STXBP5L: variants seen among roughly 807,000 people sequenced by gnomAD.
The protein encoded by STXBP5L is syntaxin binding protein 5L.
STXBP5L carries 65 observed loss-of-function variants against 144.5 expected under a neutral mutation model. The ratio of observed to expected loss-of-function variants is 0.45; its 90% confidence interval spans 0.37 to 0.55. The LOEUF is 0.55. STXBP5L is among the 20% of genes least tolerant of loss of function. STXBP5L has a pLI of 0.00. For synonymous variants in STXBP5L, 505 were observed against 469.6 expected, an observed-to-expected ratio of 1.08 and a Z score of -0.97; for missense variants, 1,298 against 1,405.5, an observed-to-expected ratio of 0.92 and a Z score of 1.22.
Position 120,909,771 on chromosome 3 carries a change from A to C in STXBP5L, c.189+4A>C. 2 of 1,610,366 alleles carry C rather than the reference A, an allele frequency of 1.2e-6. No homozygotes were observed. Among genetic ancestry groups the C allele is most frequent in the South Asian group, 2.2e-5 (2 of 90,178 alleles). ...GGAGTATTTCCAGATTTGCAAGGTA[A>C]GTTTTGAATTGGCTTAAAGCCTATT... On this transcript the variant is annotated splice_donor_region_variant and intron_variant, in intron 2 of 26. Coordinates refer to ENST00000471454, the MANE Select transcript of STXBP5L (RefSeq NM_001308330.2).
rs181839522 is a variant in STXBP5L, at chr3:120,908,629, G to A, written c.-9+295G>A. On this transcript the variant is annotated intron_variant, in intron 1 of 26. Coordinates refer to ENST00000471454, the MANE Select transcript of STXBP5L (RefSeq NM_001308330.2). ...CCGCGCCTCAGCGCTGGGCCTGGGG[G>A]AGGGACAGCGGGAGCGGCGGCTCTG... Among the ~76,000 whole-genome samples the A allele has an allele frequency of 7.8e-3, 1,177 of 151,670 alleles. 7 individuals are homozygous for A. Among genetic ancestry groups the A allele is most frequent in the Non-Finnish European group, 0.013 (883 of 67,792 alleles).
chr3:121,313,227 C>CA (rs2043615020), intron 19 of STXBP5L, among the ~76,000 whole-genome samples: 1 of 132,318 alleles, frequency 7.6e-6, no homozygotes, highest in Non-Finnish European at 1.6e-5. Flanking sequence ...TGACCCCCCC[C>CA]ACCTCCCTCC....
intron 3 of STXBP5L, among the ~76,000 whole-genome samples, chr3:120,987,775 T>C (rs1214632649): frequency 6.6e-6 from 1 of 151,838 alleles, no homozygotes; most frequent in African/African-American, 2.4e-5. Flanking sequence ...ATTTGTGTTG[T>C]CTTAATTTGA....
At chr3:121,103,563 T>G (rs1442021740) in intron 5 of STXBP5L, among the ~76,000 whole-genome samples, 1 of 152,106 alleles carries the variant, frequency 6.6e-6, no homozygotes, top group East Asian at 1.9e-4. Flanking sequence ...AATTGACTGT[T>G]GGGTACTGTG....
At chr3:121,376,083 C>G (rs1002186616) in intron 20 of STXBP5L, among the ~76,000 whole-genome samples, 1 of 152,208 alleles carries the variant, frequency 6.6e-6, no homozygotes, top group Non-Finnish European at 1.5e-5. Context: ...ACAAGACCGA[C>G]AATCGTAATT....
At chr3:121,351,372 G>T (rs574983971) in intron 20 of STXBP5L, among the ~76,000 whole-genome samples, 1 of 152,106 alleles carries the variant, frequency 6.6e-6, no homozygotes, top group African/African-American at 2.4e-5. Flanking sequence ...TGCCCCTAAT[G>T]GGGGGTGCCT....
chr3:121,038,842 C>T (rs1946943451), intron 3 of STXBP5L, among the ~76,000 whole-genome samples: 1 of 151,232 alleles, frequency 6.6e-6, no homozygotes. Context: ...ATGAAGTGAC[C>T]ACCTTTAACC....
intron 18 of STXBP5L, among the ~76,000 whole-genome samples, chr3:121,268,675 A>G (rs1042016553): frequency 2.0e-5 from 3 of 152,232 alleles, no homozygotes; most frequent in African/African-American, 7.2e-5. Flanking sequence ...ATATATAATA[A>G]AAAGGGAAAA....
chr3:121,347,888 T>C (rs2045072208), intron 20 of STXBP5L, among the ~76,000 whole-genome samples: 2 of 152,164 alleles, frequency 1.3e-5, no homozygotes, highest in South Asian at 4.1e-4. Context: ...AGATATACAG[T>C]CATGTCATCT....
At chr3:120,992,466 T>G (rs564420240) in intron 3 of STXBP5L, among the ~76,000 whole-genome samples, 2 of 152,080 alleles carry the variant, frequency 1.3e-5, no homozygotes, top group African/African-American at 4.8e-5. Context: ...GCAGCCTTCC[T>G]CACCTCTGTT....
chr3:120,991,404 A>C (rs1454936215), intron 3 of STXBP5L, among the ~76,000 whole-genome samples: 1 of 151,950 alleles, frequency 6.6e-6, no homozygotes, highest in Non-Finnish European at 1.5e-5. Context: ...TAGTTCAACC[A>C]TTGTGGAAGT....
chr3:120,991,668 C>T (rs1024649342), intron 3 of STXBP5L, among the ~76,000 whole-genome samples: 1 of 152,134 alleles, frequency 6.6e-6, no homozygotes, highest in Non-Finnish European at 1.5e-5. Flanking sequence ...ATGATGAGTT[C>T]ATGTCCTTTG....
chr3:121,267,734 A>G (rs550770032), intron 18 of STXBP5L, among the ~76,000 whole-genome samples: 15 of 152,330 alleles, frequency 9.8e-5, no homozygotes, highest in African/African-American at 3.6e-4. Flanking sequence ...ACCCCATCAA[A>G]AAGTTGGCAA....
At chr3:121,399,622 G>C (rs900236424) in intron 22 of STXBP5L, among the ~76,000 whole-genome samples, 27 of 152,158 alleles carry the variant, frequency 1.8e-4, no homozygotes, top group Admixed American at 6.5e-5. Context: ...GAATAAGTTG[G>C]GCTAGTTAAC....
chr3:121,194,021 A>G (rs2047818977), intron 9 of STXBP5L, among the ~76,000 whole-genome samples: 1 of 152,088 alleles, frequency 6.6e-6, no homozygotes, highest in Non-Finnish European at 1.5e-5. Flanking sequence ...GCTTTAGTAA[A>G]TGTTTTATTG....
At chr3:121,120,515 C>T (rs2044410322) in intron 6 of STXBP5L, among the ~76,000 whole-genome samples, 1 of 151,140 alleles carries the variant, frequency 6.6e-6, no homozygotes, top group South Asian at 2.1e-4. Context: ...GTATTAGATG[C>T]TGTATGTATC....
In STXBP5L at chr3:120,965,293, C is replaced by T. The variant is rs193217737; in HGVS notation, c.287+10256C>T. Among the ~76,000 whole-genome samples the T allele has an allele frequency of 6.0e-3, 909 of 152,178 alleles. 5 individuals are homozygous for T. Among genetic ancestry groups the T allele is most frequent in the Non-Finnish European group, 9.7e-3 (658 of 67,984 alleles). Reference sequence around the variant, plus strand: ...AGCCCATTTACATTTAAGGTTAATACTGTTATCTGTGAATTTGATTCTGTC... The same window carrying T: ...AGCCCATTTACATTTAAGGTTAATATTGTTATCTGTGAATTTGATTCTGTC... On this transcript the variant is annotated intron_variant, in intron 3 of 26. Coordinates refer to ENST00000471454, the MANE Select transcript of STXBP5L (RefSeq NM_001308330.2).
intron 9 of STXBP5L, among the ~76,000 whole-genome samples, chr3:121,160,754 C>T (rs995302715): frequency 1.3e-5 from 2 of 151,984 alleles, no homozygotes; most frequent in African/African-American, 4.8e-5. Context: ...TGGGTCCCGT[C>T]ATATTTTTCC....
At chr3:121,299,932 A>G (rs1388116559) in intron 19 of STXBP5L, among the ~76,000 whole-genome samples, 1 of 145,794 alleles carries the variant, frequency 6.9e-6, no homozygotes, top group Non-Finnish European at 1.5e-5. Flanking sequence ...GTGAGCCATG[A>G]TTGCACCACT....
Sources: allele counts gnomAD v4.1 joint callset (sites outside exome capture counted in the v4.1 genomes callset), GRCh38; gene constraint gnomAD v4.1.1; transcripts MANE v1.5; gene names NCBI Gene and HGNC (gene_info 2026-07-23, HGNC 2026-07-21).